The following METTL15 variants were observed in gnomAD, a reference collection of about 807,000 sequenced individuals.
METTL15 encodes the protein methyltransferase 15, mitochondrial 12S rRNA N4-cytidine, also known as 12S rRNA N(4)-cytidine methyltransferase METTL15.
In METTL15, 34 loss-of-function variants were observed where a neutral mutation model predicts 38.3. The ratio of observed to expected loss-of-function variants is 0.89; its 90% CI spans 0.68 to 1.18. The LOEUF (loss-of-function observed/expected upper bound fraction) is 1.18, where lower values mean the gene tolerates loss of function less well. Among genes scored for constraint, METTL15 ranks in the 50% most tolerant of loss-of-function variants. The pLI is 0.00. For missense variants in METTL15, 438 were observed against 498.4 expected (o/e 0.88, Z 1.15); for synonymous variants, 162 against 170.9 (o/e 0.95, Z 0.41).
chr11:28,188,451 AAG>A (rs1448751872), intron 3 of METTL15, among the ~76,000 whole-genome samples: 3 of 151,314 alleles, frequency 2.0e-5, no homozygotes, highest in Non-Finnish European at 4.4e-5. Flanking sequence ...GCTCTGAATG[AAG>A]AGTTGATGTA....
intron 5 of METTL15, among the ~76,000 whole-genome samples, chr11:28,399,490 A>G (rs887037102): frequency 4.6e-5 from 7 of 151,988 alleles, no homozygotes; most frequent in African/African-American, 1.7e-4. Flanking sequence ...AGGTGTGATC[A>G]TAAAGCAATG....
At chr11:28,298,522 T>C (rs935178900) in intron 6 of METTL15, among the ~76,000 whole-genome samples, 2 of 152,088 alleles carry the variant, frequency 1.3e-5, no homozygotes, top group African/African-American at 4.8e-5. Context: ...GGAATCTGCC[T>C]TTAAGCTACC....
intron 6 of METTL15, among the ~76,000 whole-genome samples, chr11:28,493,545 T>C (rs894305058): frequency 6.6e-6 from 1 of 152,212 alleles, no homozygotes; most frequent in Non-Finnish European, 1.5e-5. Flanking sequence ...TTATTAAAAT[T>C]CTGAAAATTC....
At chr11:28,209,384 A>G (rs1852524071) in intron 3 of METTL15, among the ~76,000 whole-genome samples, 1 of 152,024 alleles carries the variant, frequency 6.6e-6, no homozygotes, top group East Asian at 1.9e-4. Flanking sequence ...ATAGTGGAAG[A>G]TTTTTGCCAA....
intron 5 of METTL15, among the ~76,000 whole-genome samples, chr11:28,369,496 A>G (rs771361178): frequency 1.3e-5 from 2 of 152,140 alleles, no homozygotes; most frequent in Non-Finnish European, 2.9e-5. Flanking sequence ...CACAAGATAC[A>G]TTATAATCAA....
chr11:28,118,494 T>C (rs11030217), intron 3 of METTL15, among the ~76,000 whole-genome samples: 13,359 of 152,218 alleles, frequency 0.088, 1,040 homozygotes, highest in East Asian at 0.36. Flanking sequence ...CTAAGAACTT[T>C]TTTTTTTCTC....
At chr11:28,272,703 A>C (rs1037727813) in intron 4 of METTL15, among the ~76,000 whole-genome samples, 7 of 152,212 alleles carry the variant, frequency 4.6e-5, no homozygotes, top group African/African-American at 1.4e-4. Flanking sequence ...TGTATCCCAG[A>C]ACTTAAAGTT....
intron 6 of METTL15, among the ~76,000 whole-genome samples, chr11:28,467,060 C>T (rs558779462): frequency 1.3e-5 from 2 of 152,152 alleles, no homozygotes; most frequent in South Asian, 2.1e-4. Context: ...TGCTGCCTTT[C>T]GGGATCTCCC....
At chr11:28,382,156 A>G (rs1850393116) in intron 5 of METTL15, among the ~76,000 whole-genome samples, 1 of 151,868 alleles carries the variant, frequency 6.6e-6, no homozygotes, top group Non-Finnish European at 1.5e-5. Context: ...CCCATTCCAA[A>G]TGTGTTGCCC....
chr11:28,503,840 C>T (rs763803389), intron 6 of METTL15, among the ~76,000 whole-genome samples: 1 of 151,590 alleles, frequency 6.6e-6, no homozygotes, highest in Non-Finnish European at 1.5e-5. Context: ...TTCTATAGCT[C>T]ATATTCATAA....
chr11:28,267,024 G>C (rs1261566686), intron 4 of METTL15, among the ~76,000 whole-genome samples: 1 of 152,010 alleles, frequency 6.6e-6, no homozygotes, highest in Non-Finnish European at 1.5e-5. Flanking sequence ...CCTGAGCGTG[G>C]TGGTGGACAC....
At chr11:28,525,011 A>G (rs1851797407) in intron 6 of METTL15, among the ~76,000 whole-genome samples, 1 of 151,460 alleles carries the variant, frequency 6.6e-6, no homozygotes, top group Admixed American at 6.6e-5. Context: ...GGTGAGTGTT[A>G]CAGTTCTTAA....
intron 4 of METTL15, among the ~76,000 whole-genome samples, chr11:28,355,160 C>T (rs575360336): frequency 6.6e-6 from 1 of 152,308 alleles, no homozygotes; most frequent in Non-Finnish European, 1.5e-5. Context: ...GGCACCTTCT[C>T]CCTTTATCCC....
chr11:28,359,868 T>G (rs964978931), intron 4 of METTL15, among the ~76,000 whole-genome samples: 3 of 152,228 alleles, frequency 2.0e-5, no homozygotes, highest in African/African-American at 7.2e-5. Flanking sequence ...ATATAGATAT[T>G]AACTTCTAAA....
intron 3 of METTL15, among the ~76,000 whole-genome samples, chr11:28,351,031 G>A (rs1041991686): frequency 6.6e-6 from 1 of 152,190 alleles, no homozygotes; most frequent in Admixed American, 6.5e-5. Context: ...TCTCCCTAGA[G>A]AGTAGGGCAA....
At chr11:28,269,556 A>G (rs1288730024) in intron 4 of METTL15, among the ~76,000 whole-genome samples, 1 of 152,086 alleles carries the variant, frequency 6.6e-6, no homozygotes, top group Non-Finnish European at 1.5e-5. Context: ...TGTTATTACT[A>G]TGGATATGGA....
intron 4 of METTL15, chr11:28,361,926 A>G (rs1489501517): frequency 1.3e-5 from 2 of 151,956 alleles, no homozygotes; most frequent in Non-Finnish European, 2.9e-5. Flanking sequence ...TATGTTTCTT[A>G]TGTTTTACAG....
chr11:28,470,007 G>C (rs568999120), intron 6 of METTL15, among the ~76,000 whole-genome samples: 3 of 149,534 alleles, frequency 2.0e-5, no homozygotes, highest in African/African-American at 4.9e-5. Context: ...GAAAAGTCAT[G>C]CACAAACTAC....
Position 28,382,139 on chromosome 11 carries a change from AGTGTTGCCCATTCCAAAT to A in METTL15, c.*358+20123_*358+20140del, listed in dbSNP as rs879707785. 7.9e-4 allele frequency among the ~76,000 whole-genome samples: 121 copies of A among 152,264 alleles called. 1 individual carries two copies. The highest frequency in any genetic ancestry group is 3.4e-3 in the Middle Eastern group (1 of 294). On this transcript the variant is annotated intron_variant and NMD_transcript_variant, in intron 5 of 7. Coordinates refer to the METTL15 transcript ENST00000532947. ...TACTTCAGTTCTAGTAAAAAATCAG[AGTGTTGCCCATTCCAAAT>A]GTGTTGCCCATTCCAAATGGTTGGC...
Sources: gnomAD v4.1 joint callset for allele counts (sites outside exome capture counted in the v4.1 genomes callset) on GRCh38, gnomAD v4.1.1 for gene constraint, MANE v1.5 for transcripts, NCBI Gene and HGNC (gene_info 2026-07-23, HGNC 2026-07-21) for gene names.